Variants in SHISA9 observed in about 807,000 individuals in gnomAD.
SHISA9 encodes the protein shisa family member 9.
A neutral mutation model predicts 38.0 loss-of-function variants in SHISA9; 13 were observed. The ratio of observed to expected loss-of-function variants is 0.34; its 90% confidence interval spans 0.22 to 0.54. The LOEUF (loss-of-function observed/expected upper bound fraction) is 0.54. Ranked by LOEUF, SHISA9 falls within the 20% of genes least tolerant of loss-of-function variation. The pLI, the probability that SHISA9 is intolerant of heterozygous loss-of-function variation, is 0.91. For missense variants in SHISA9, 538 were observed against 575.8 expected (o/e 0.93, Z 0.67); for synonymous variants, 275 against 242.0 (o/e 1.14, Z -1.27).
intron 2 of SHISA9, among the ~76,000 whole-genome samples, chr16:13,179,031 T>C (rs2050755718): frequency 6.6e-6 from 1 of 152,182 alleles, no homozygotes; most frequent in Non-Finnish European, 1.5e-5. Flanking sequence ...AACAACATCA[T>C]CCCTCTAGGC....
chr16:13,116,897 A>G (rs1365543810), intron 2 of SHISA9, among the ~76,000 whole-genome samples: 3 of 152,072 alleles, frequency 2.0e-5, no homozygotes, highest in Admixed American at 6.6e-5. Context: ...GGGCCTTTAC[A>G]TATGTTAGGG....
chr16:13,428,828 G>C, the SHISA9 span, among the ~76,000 whole-genome samples: 1 of 150,052 alleles, frequency 6.7e-6, no homozygotes, highest in Middle Eastern at 3.4e-3. Context: ...GAGTGCAGTG[G>C]TGTGATCACT....
chr16:13,509,871 T>A, the SHISA9 span, among the ~76,000 whole-genome samples: 3 of 152,226 alleles, frequency 2.0e-5, no homozygotes, highest in African/African-American at 7.2e-5. Context: ...ATTACCCATG[T>A]GATTTAGGGC....
chr16:13,380,197 A>G, the SHISA9 span, among the ~76,000 whole-genome samples: 1 of 152,174 alleles, frequency 6.6e-6, no homozygotes, highest in Non-Finnish European at 1.5e-5. Flanking sequence ...AAAGAAAATT[A>G]TCAAAGAAAA....
chr16:13,528,754 G>T, the SHISA9 span, among the ~76,000 whole-genome samples: 1 of 152,140 alleles, frequency 6.6e-6, no homozygotes, highest in East Asian at 1.9e-4. Context: ...TAATTGAGTT[G>T]ATAAAGGAAT....
the SHISA9 span, among the ~76,000 whole-genome samples, chr16:13,262,655 AG>A: frequency 4.1e-5 from 3 of 74,004 alleles, no homozygotes; most frequent in Admixed American, 4.6e-4. Context: ...GAAGGAAGGA[AG>A]GAAGGAAGGA....
chr16:13,297,059 G>A, the SHISA9 span, among the ~76,000 whole-genome samples: 1 of 151,972 alleles, frequency 6.6e-6, no homozygotes, highest in Non-Finnish European at 1.5e-5. Flanking sequence ...GAATTATACT[G>A]TAAGCAAATA....
chr16:12,954,538 T>C (rs72782665), intron 2 of SHISA9, among the ~76,000 whole-genome samples: 29,405 of 152,172 alleles, frequency 0.19, 3,528 homozygotes, highest in Middle Eastern at 0.35. Context: ...TCTTGACACC[T>C]TCCATGTGGC....
At chr16:13,078,187 G>T in intron 2 of SHISA9, among the ~76,000 whole-genome samples, 1 of 152,168 alleles carries the variant, frequency 6.6e-6, no homozygotes, top group East Asian at 1.9e-4. Context: ...GCAGGGGATT[G>T]GTTCCAGGAC....
chr16:12,928,216 G>A (rs1262556032), intron 2 of SHISA9, among the ~76,000 whole-genome samples: 1 of 151,656 alleles, frequency 6.6e-6, no homozygotes, highest in Non-Finnish European at 1.5e-5. Flanking sequence ...TGAGAACATA[G>A]ATTTGCATTT....
intron 2 of SHISA9, among the ~76,000 whole-genome samples, chr16:13,074,668 C>CT (rs947582644): frequency 0.017 from 2,464 of 141,014 alleles, 65 homozygotes; most frequent in African/African-American, 0.053. Context: ...TTTTCTTTTT[C>CT]TTTTTTTTTT....
At chr16:12,953,976 A>G (rs1287129391) in intron 2 of SHISA9, among the ~76,000 whole-genome samples, 2 of 152,106 alleles carry the variant, frequency 1.3e-5, no homozygotes, top group African/African-American at 4.8e-5. Flanking sequence ...AGATCCAGTC[A>G]CCTCCAACCA....
the SHISA9 span, among the ~76,000 whole-genome samples, chr16:13,412,979 A>G: frequency 6.8e-4 from 103 of 151,854 alleles, no homozygotes; most frequent in Middle Eastern, 3.4e-3. Flanking sequence ...ATAAATAAAT[A>G]AAGGAATGAA....
chr16:13,100,349 C>T (rs982637894), intron 2 of SHISA9, among the ~76,000 whole-genome samples: 2 of 152,122 alleles, frequency 1.3e-5, no homozygotes, highest in Non-Finnish European at 2.9e-5. Context: ...TGGGACCTGG[C>T]ATTAGAAAAT....
chr16:13,522,757 C>A, the SHISA9 span, among the ~76,000 whole-genome samples: 2 of 152,148 alleles, frequency 1.3e-5, no homozygotes, highest in Non-Finnish European at 2.9e-5. Context: ...AATAACCCAT[C>A]ACTTTAAATT....
At chr16:13,262,678 G>GAGGAAGGA in the SHISA9 span, among the ~76,000 whole-genome samples, 48 of 55,892 alleles carry the variant, frequency 8.6e-4, 1 homozygote, top group South Asian at 1.8e-3. Context: ...GGAAGGGAGG[G>GAGGAAGGA]AGGAAGGAAG....
At chr16:13,525,528 G>C in the SHISA9 span, among the ~76,000 whole-genome samples, 2 of 152,142 alleles carry the variant, frequency 1.3e-5, no homozygotes, top group Middle Eastern at 3.4e-3. Flanking sequence ...GTGGCTCAAA[G>C]AAATAATGAA....
At chr16:13,383,388 G>C in the SHISA9 span, among the ~76,000 whole-genome samples, 89 of 152,306 alleles carry the variant, frequency 5.8e-4, no homozygotes, top group Non-Finnish European at 1.0e-3. Context: ...GATATGGAAT[G>C]ATCTTGAACA....
chr16:13,188,200 A>T (rs1320415120), intron 2 of SHISA9, among the ~76,000 whole-genome samples: 1 of 152,226 alleles, frequency 6.6e-6, no homozygotes, highest in South Asian at 2.1e-4. Flanking sequence ...AGAGCAACCA[A>T]AATGTTGTTG....
Sources: gnomAD v4.1 joint callset for allele counts (sites outside exome capture counted in the v4.1 genomes callset) on GRCh38, gnomAD v4.1.1 for gene constraint, MANE v1.5 for transcripts, NCBI Gene and HGNC (gene_info 2026-07-23, HGNC 2026-07-21) for gene names.